Variants in DIP2C observed in about 807,000 individuals in gnomAD.
DIP2C encodes the protein DIP2 acetate--CoA ligase C (putative), also known as disco-interacting protein 2 homolog C.
DIP2C carries 33 observed loss-of-function variants against 192.4 expected under a neutral mutation model. The observed-to-expected ratio is 0.17, with a 90% CI of 0.13 to 0.23. DIP2C has a LOEUF of 0.23. DIP2C is among the 10% of genes least tolerant of loss of function. DIP2C has a pLI of 1.00. For missense variants in DIP2C, 1,537 were observed against 2,110.1 expected (o/e 0.73, Z 5.32); for synonymous variants, 979 against 864.1 (o/e 1.13, Z -2.33).
chr10:534,973 G>C (rs1201936569), intron 1 of DIP2C, among the ~76,000 whole-genome samples: 1 of 152,196 alleles, frequency 6.6e-6, no homozygotes, highest in Non-Finnish European at 1.5e-5. Context: ...ACCGCGCCCG[G>C]CCTGGATGAT....
In DIP2C at chr10:565,354, T is replaced by TAAAAA. The variant is rs59721670; in HGVS notation, c.86-78829_86-78825dup. The stretch of plus-strand genomic sequence containing the variant: ...AAAATATGAAACAGTACCTGCATTC[T>TAAAAA]AAAAAAAAAAAAAAAAAGACCTAGA... On this transcript the variant is annotated intron_variant, in intron 1 of 36. Coordinates refer to ENST00000280886, the MANE Select transcript of DIP2C (RefSeq NM_014974.3). Among the ~76,000 whole-genome samples the TAAAAA allele has an allele frequency of 8.4e-3, 953 of 114,064 alleles. 20 individuals carry two copies. Among genetic ancestry groups the TAAAAA allele is most frequent in the Non-Finnish European group, 0.013 (730 of 56,542 alleles). 74.8% of individuals were successfully genotyped at this position (114,064 alleles called of 152,430 possible).
chr10:390,960 T>G (rs1433188181), intron 10 of DIP2C, 97 bp from the exon 11 acceptor site: 4 of 1,522,870 alleles, frequency 2.6e-6, no homozygotes, highest in Non-Finnish European at 2.6e-6. Context: ...CCCTCGAGTC[T>G]GCAGAACCAG....
intron 32 of DIP2C, among the ~76,000 whole-genome samples, chr10:292,606 G>C (rs946327376): frequency 6.6e-6 from 1 of 152,214 alleles, no homozygotes; most frequent in South Asian, 2.1e-4. Context: ...TGATGGCGCC[G>C]TGCAACCGAG....
chr10:572,253 C>T (rs775044485), intron 1 of DIP2C, among the ~76,000 whole-genome samples: 5 of 152,228 alleles, frequency 3.3e-5, no homozygotes, highest in African/African-American at 1.2e-4. Context: ...TTTGCTAACA[C>T]GCCCCAAACA....
intron 33 of DIP2C, among the ~76,000 whole-genome samples, chr10:286,649 T>G (rs1280109654): frequency 6.6e-6 from 1 of 152,182 alleles, no homozygotes; most frequent in African/African-American, 2.4e-5. Context: ...TTGAAAATCA[T>G]GAAAATAATG....
intron 1 of DIP2C, among the ~76,000 whole-genome samples, chr10:640,869 C>T (rs1403522821): frequency 6.6e-6 from 1 of 151,996 alleles, no homozygotes; most frequent in Non-Finnish European, 1.5e-5. Context: ...GGGTGTTGGC[C>T]AAGCCACAGA....
chr10:479,509 A>AT (rs938597479), intron 2 of DIP2C, among the ~76,000 whole-genome samples: 1 of 151,566 alleles, frequency 6.6e-6, no homozygotes, highest in African/African-American at 2.4e-5. Context: ...AATTTTTAAT[A>AT]TTTTTTAGTA....
intron 1 of DIP2C, among the ~76,000 whole-genome samples, chr10:498,781 TC>T (rs1845030990): frequency 6.6e-6 from 1 of 152,132 alleles, no homozygotes; most frequent in Non-Finnish European, 1.5e-5. Flanking sequence ...ACTCACCGTT[TC>T]CCAGTAACAC....
chr10:479,325 CTGCT>C (rs1354415874), intron 2 of DIP2C, among the ~76,000 whole-genome samples: 1 of 131,948 alleles, frequency 7.6e-6, no homozygotes, highest in Admixed American at 7.9e-5. Flanking sequence ...AATTCTCACA[CTGCT>C]TTTTTTTTTT....
At position 466,424 on chromosome 10, in the gene DIP2C, A is replaced by G. The variant is rs1232374557; in HGVS notation, c.268+6015T>C. Among the ~76,000 whole-genome samples, 3 of 138,318 alleles carry G rather than the reference A, an allele frequency of 2.2e-5. 1 individual carries two copies. Among genetic ancestry groups the G allele is most frequent in the African/African-American group, 7.9e-5 (3 of 37,882 alleles). The allele number at this position is 138,318 out of a possible 152,430, so 90.7% of individuals were successfully genotyped here. A position where few individuals can be genotyped will look rare whatever the true frequency, so the allele number is the denominator to read the frequency against. On this transcript the variant is annotated intron_variant, in intron 3 of 36. Transcript: ENST00000280886. ...TAAAGACTTAAACGTTAGACCTAAA[A>G]CCATAAAAACCCTAGAAGAAAACCT...
At chr10:317,549 G>A (rs1406207647) in intron 31 of DIP2C, among the ~76,000 whole-genome samples, 2 of 152,234 alleles carry the variant, frequency 1.3e-5, no homozygotes, top group Non-Finnish European at 2.9e-5. Flanking sequence ...CTTACTGAGT[G>A]AATGATGAAC....
chr10:467,389 G>A (rs2133412133), intron 3 of DIP2C, among the ~76,000 whole-genome samples: 1 of 147,390 alleles, frequency 6.8e-6, no homozygotes, highest in Non-Finnish European at 1.5e-5. Flanking sequence ...GGTGGGGTGG[G>A]GGGAGGTGGG....
chr10:457,030 C>T (rs1442347236), intron 3 of DIP2C, among the ~76,000 whole-genome samples: 1 of 152,152 alleles, frequency 6.6e-6, no homozygotes, highest in East Asian at 1.9e-4. Context: ...CCTAGATTTT[C>T]CATCTCTCTG....
chr10:646,300 G>C (rs2131966988), intron 1 of DIP2C, among the ~76,000 whole-genome samples: 2 of 151,696 alleles, frequency 1.3e-5, no homozygotes, highest in South Asian at 4.2e-4. Flanking sequence ...TACTGGAGCT[G>C]CTGTCCAGCC....
intron 1 of DIP2C, among the ~76,000 whole-genome samples, chr10:635,818 T>A (rs1854797803): frequency 6.6e-6 from 1 of 152,144 alleles, no homozygotes; most frequent in Non-Finnish European, 1.5e-5. Flanking sequence ...TGAAGGGTCT[T>A]GTCAGGAAAG....
At chr10:390,996 G>T in intron 10 of DIP2C, 133 bp from the exon 11 acceptor site, 2 of 1,305,806 alleles carry the variant, frequency 1.5e-6, no homozygotes, top group South Asian at 1.4e-5. Flanking sequence ...CCTGCTGCTT[G>T]GTATCTGTGG....
intron 1 of DIP2C, among the ~76,000 whole-genome samples, chr10:598,062 C>G (rs1403013566): frequency 6.6e-6 from 1 of 152,248 alleles, no homozygotes; most frequent in Non-Finnish European, 1.5e-5. Context: ...ACCGCTGGAC[C>G]TGCAGAGTCA....
chr10:683,468 TGGAGGTGGAGGCGTTCG>T (rs1349117251), intron 1 of DIP2C, among the ~76,000 whole-genome samples: 1 of 152,120 alleles, frequency 6.6e-6, no homozygotes, highest in Non-Finnish European at 1.5e-5. Context: ...ATTAAAGCCC[TGGAGGTGGAGGCGTTCG>T]GGAAGGGAAG....
rs1213170747 is a variant in DIP2C, at chr10:689,252, C to G, written c.85+242G>C. Among the ~76,000 whole-genome samples, 1 of 151,452 alleles carries G rather than the reference C, an allele frequency of 6.6e-6. No individual in the cohort carries two copies. The highest frequency in any genetic ancestry group is 1.5e-5 in the Non-Finnish European group (1 of 67,782). Reference sequence around the variant, plus strand: ...GAGGGGATCCCAGGCCCCACAGACACCCCCAGGGCGCGGGGAATCGCGGCC... The same window carrying G: ...GAGGGGATCCCAGGCCCCACAGACAGCCCCAGGGCGCGGGGAATCGCGGCC... On this transcript the variant is annotated intron_variant, in intron 1 of 36. Coordinates refer to ENST00000280886, the MANE Select transcript of DIP2C (RefSeq NM_014974.3). The surrounding 1 kb of genome is among the most constrained non-coding windows in gnomAD (Gnocchi z 6.1).
Sources: allele counts gnomAD v4.1 joint callset (sites outside exome capture counted in the v4.1 genomes callset), GRCh38; gene constraint gnomAD v4.1.1; non-coding constraint Gnocchi (gnomAD v3.1); transcripts MANE v1.5; gene names NCBI Gene and HGNC (gene_info 2026-07-23, HGNC 2026-07-21).